The following ATP8A2 variants were observed in gnomAD, a reference collection of about 807,000 sequenced individuals.
The protein encoded by ATP8A2 is ATPase phospholipid transporting 8A2.
ATP8A2 carries 100 observed loss-of-function variants against 165.6 expected under a neutral mutation model. That is an observed-to-expected ratio of 0.60 (90% confidence interval 0.51 to 0.71). The LOEUF is 0.71. Among genes scored for constraint, ATP8A2 ranks in the 30% least tolerant of loss-of-function variants. The probability of loss-of-function intolerance (pLI) is 0.00; values close to 1 mark genes in which losing one functional copy is unlikely to be tolerated. For synonymous variants in ATP8A2, 543 were observed against 548.8 expected, an observed-to-expected ratio of 0.99 and a Z score of 0.15; for missense variants, 1,227 against 1,479.5, an observed-to-expected ratio of 0.83 and a Z score of 2.80.
chr13:25,972,672 C>G (rs978129761), intron 35 of ATP8A2, among the ~76,000 whole-genome samples: 1 of 152,136 alleles, frequency 6.6e-6, no homozygotes, highest in African/African-American at 2.4e-5. Context: ...TTTTGAGTGT[C>G]TAAACAATGA....
At chr13:25,914,029 C>T (rs1039608934) in intron 33 of ATP8A2, among the ~76,000 whole-genome samples, 1 of 152,184 alleles carries the variant, frequency 6.6e-6, no homozygotes, top group African/African-American at 2.4e-5. Context: ...AAGACACTCT[C>T]GTCATCATCT....
chr13:25,691,047 T>C (rs1464824258), intron 24 of ATP8A2, among the ~76,000 whole-genome samples: 1 of 152,216 alleles, frequency 6.6e-6, no homozygotes, highest in Admixed American at 6.5e-5. Context: ...TGTGCATTAA[T>C]ATTAGATGAA....
At chr13:25,382,727 C>A (rs550482176) in intron 1 of ATP8A2, among the ~76,000 whole-genome samples, 8 of 148,976 alleles carry the variant, frequency 5.4e-5, no homozygotes, top group Non-Finnish European at 8.9e-5. Flanking sequence ...TGTATATCTT[C>A]TTTGGTGAAA....
chr13:25,715,111 A>G (rs1031401823), intron 25 of ATP8A2, among the ~76,000 whole-genome samples: 13 of 152,312 alleles, frequency 8.5e-5, no homozygotes, highest in Admixed American at 3.3e-4. Context: ...GTTGAAGTCT[A>G]TTGTAAAATC....
intron 2 of ATP8A2, among the ~76,000 whole-genome samples, chr13:25,515,962 G>T (rs1038710944): frequency 1.3e-5 from 2 of 152,196 alleles, no homozygotes; most frequent in East Asian, 3.8e-4. Context: ...ATGTCAGTTA[G>T]AATTAAACAC....
chr13:25,656,090 C>T (rs1388670103), intron 24 of ATP8A2, among the ~76,000 whole-genome samples: 2 of 152,160 alleles, frequency 1.3e-5, no homozygotes, highest in Non-Finnish European at 2.9e-5. Flanking sequence ...TTGGACCCAT[C>T]GCTGAAACCC....
chr13:25,516,443 C>T (rs2037472437), intron 2 of ATP8A2, among the ~76,000 whole-genome samples: 3 of 152,124 alleles, frequency 2.0e-5, no homozygotes, highest in African/African-American at 7.2e-5. Flanking sequence ...GATTATTTCC[C>T]TCTGTTTGGA....
rs73469703 is a variant in ATP8A2 at position 25,409,166 on chromosome 13, C to T, written c.76+36878C>T. On this transcript the variant is annotated intron_variant, in intron 1 of 36. Transcript: ENST00000381655. ...CAGCAGGCCTGCTTTCATCTCTTCT[C>T]AGCCCTGGTACATGCTGTCTACTGA... Among the ~76,000 whole-genome samples the T allele has an allele frequency of 3.9e-3, 592 of 152,312 alleles. 5 individuals carry two copies. The highest frequency in any genetic ancestry group is 0.014 in the African/African-American group (572 of 41,568).
chr13:25,861,939 G>A (rs569176568), intron 32 of ATP8A2, among the ~76,000 whole-genome samples: 26 of 152,270 alleles, frequency 1.7e-4, no homozygotes, highest in Non-Finnish European at 3.5e-4. Flanking sequence ...TGTCTGTTCA[G>A]CCACTCTGTT....
At chr13:25,454,902 A>C (rs577267370) in intron 1 of ATP8A2, among the ~76,000 whole-genome samples, 8 of 152,336 alleles carry the variant, frequency 5.3e-5, no homozygotes, top group African/African-American at 1.9e-4. Flanking sequence ...AGCCTCGCCG[A>C]CAGAGTGAGA....
chr13:25,943,392 A>G (rs538863727), intron 33 of ATP8A2, among the ~76,000 whole-genome samples: 72 of 152,300 alleles, frequency 4.7e-4, no homozygotes, highest in African/African-American at 1.7e-3. Context: ...TGATAATGCC[A>G]TATTTGTACT....
At chr13:25,806,372 G>T (rs192377693) in intron 27 of ATP8A2, among the ~76,000 whole-genome samples, 2 of 152,030 alleles carry the variant, frequency 1.3e-5, no homozygotes, top group Non-Finnish European at 2.9e-5. Context: ...CACCTCTCAG[G>T]CATTTGCGCA....
At chr13:25,663,890 T>G (rs1424115031) in intron 24 of ATP8A2, among the ~76,000 whole-genome samples, 1 of 152,118 alleles carries the variant, frequency 6.6e-6, no homozygotes, top group South Asian at 2.1e-4. Context: ...GAGGGGAAAA[T>G]ATTCTGAAGT....
chr13:25,703,491 T>C (rs980983085), intron 25 of ATP8A2, among the ~76,000 whole-genome samples: 3 of 152,074 alleles, frequency 2.0e-5, no homozygotes, highest in Non-Finnish European at 2.9e-5. Context: ...AAACAGGCAC[T>C]CAAACAAATA....
chr13:25,602,740 G>T (rs2040419625), intron 24 of ATP8A2, among the ~76,000 whole-genome samples: 1 of 152,130 alleles, frequency 6.6e-6, no homozygotes, highest in Non-Finnish European at 1.5e-5. Context: ...GGTGTCATTG[G>T]AATCTGAGAA....
chr13:25,972,181 C>T (rs185768003), intron 35 of ATP8A2, among the ~76,000 whole-genome samples: 2 of 152,318 alleles, frequency 1.3e-5, no homozygotes, highest in African/African-American at 4.8e-5. Context: ...CTAAGTTTCT[C>T]TCTGTGCCTT....
intron 2 of ATP8A2, among the ~76,000 whole-genome samples, chr13:25,529,557 G>A (rs1002791373): frequency 2.6e-5 from 4 of 152,232 alleles, no homozygotes; most frequent in African/African-American, 9.6e-5. Context: ...TGTCCTAGGT[G>A]GAAGCAAAAG....
intron 24 of ATP8A2, among the ~76,000 whole-genome samples, chr13:25,605,078 A>C (rs528597409): frequency 1.3e-5 from 2 of 152,360 alleles, no homozygotes; most frequent in African/African-American, 4.8e-5. Context: ...TTAAGCTGAG[A>C]TAACAACCTA....
At chr13:25,377,781 G>A (rs1001010215) in intron 1 of ATP8A2, among the ~76,000 whole-genome samples, 4 of 152,076 alleles carry the variant, frequency 2.6e-5, no homozygotes, top group African/African-American at 9.7e-5. Context: ...AACAGGGTGA[G>A]ACTCTCTCTC....
Sources: gnomAD v4.1 joint callset for allele counts (sites outside exome capture counted in the v4.1 genomes callset) on GRCh38, gnomAD v4.1.1 for gene constraint, MANE v1.5 for transcripts, NCBI Gene and HGNC (gene_info 2026-07-23, HGNC 2026-07-21) for gene names.